IL1RAPL2: variants seen among roughly 807,000 people sequenced by gnomAD.
IL1RAPL2 encodes X-linked interleukin-1 receptor accessory protein-like 2.
A neutral mutation model predicts 44.1 loss-of-function variants in IL1RAPL2; 3 were observed. That is an observed-to-expected ratio of 0.07 (90% confidence interval 0.03 to 0.18). IL1RAPL2 has a LOEUF of 0.18. Among genes scored for constraint, IL1RAPL2 ranks in the 10% least tolerant of loss-of-function variants. IL1RAPL2 has a pLI of 1.00. For synonymous variants in IL1RAPL2, 181 were observed against 178.8 expected (o/e 1.01, Z -0.10); for missense variants, 391 against 496.4 (o/e 0.79, Z 2.02).
At chrX:105,473,607 T>C (rs2147771523) in intron 5 of IL1RAPL2, among the ~76,000 whole-genome samples, 1 of 112,296 alleles carries the variant, frequency 8.9e-6, no homozygotes, top group South Asian at 3.7e-4. Flanking sequence ...ACAACTGAAC[T>C]TAAGTGATAT....
At chrX:105,229,604 CT>C (rs1252073443) in intron 3 of IL1RAPL2, among the ~76,000 whole-genome samples, 1 of 111,750 alleles carries the variant, frequency 8.9e-6, no homozygotes, top group Non-Finnish European at 1.9e-5. Context: ...GGGTGGCTTC[CT>C]TGCCTTTAAC....
intron 6 of IL1RAPL2, among the ~76,000 whole-genome samples, chrX:105,610,476 C>A (rs987367166): frequency 1.8e-5 from 2 of 111,703 alleles, no homozygotes; most frequent in Non-Finnish European, 3.8e-5. Context: ...GCACCTCCCC[C>A]ATCCTTGCCC....
intron 2 of IL1RAPL2, among the ~76,000 whole-genome samples, chrX:104,915,930 C>G (rs1569341911): frequency 8.9e-6 from 1 of 111,826 alleles, no homozygotes. Context: ...TGATCTATAT[C>G]TCTGTTTTCT....
At chrX:105,474,354 A>C (rs1170347093) in intron 5 of IL1RAPL2, among the ~76,000 whole-genome samples, 1 of 111,805 alleles carries the variant, frequency 8.9e-6, no homozygotes, top group Non-Finnish European at 1.9e-5. Flanking sequence ...TGAGACCCAC[A>C]TTAGACTTCT....
intron 2 of IL1RAPL2, among the ~76,000 whole-genome samples, chrX:105,165,960 T>C (rs1602987366): frequency 8.9e-6 from 1 of 111,810 alleles, no homozygotes; most frequent in Non-Finnish European, 1.9e-5. Context: ...GTATGCTTAA[T>C]GGTTAAAAGC....
intron 2 of IL1RAPL2, among the ~76,000 whole-genome samples, chrX:104,964,670 C>T (rs1384379872): frequency 4.5e-5 from 5 of 110,848 alleles, no homozygotes; most frequent in East Asian, 5.6e-4. Context: ...TCTCTCTATC[C>T]GAATTAACAT....
At chrX:105,575,499 G>A (rs1323598104) in intron 6 of IL1RAPL2, among the ~76,000 whole-genome samples, 1 of 112,121 alleles carries the variant, frequency 8.9e-6, no homozygotes, top group African/African-American at 3.2e-5. Flanking sequence ...CAAAAGACAT[G>A]ATCTCATTCT....
At chrX:105,113,582 C>T (rs1039630575) in intron 2 of IL1RAPL2, among the ~76,000 whole-genome samples, 2 of 112,051 alleles carry the variant, frequency 1.8e-5, no homozygotes, top group African/African-American at 6.5e-5. Flanking sequence ...TGTCTCAGAG[C>T]AGGCCTTTTC....
At chrX:105,012,517 T>C (rs2031065546) in intron 2 of IL1RAPL2, among the ~76,000 whole-genome samples, 1 of 108,845 alleles carries the variant, frequency 9.2e-6, no homozygotes, top group Non-Finnish European at 1.9e-5. Flanking sequence ...TGCGGGCCTA[T>C]TATTAATGTG....
intron 6 of IL1RAPL2, among the ~76,000 whole-genome samples, chrX:105,505,141 T>G (rs773147537): frequency 9.0e-6 from 1 of 111,093 alleles, no homozygotes; most frequent in East Asian, 2.8e-4. Flanking sequence ...CCTTTACCAA[T>G]GTACACTAAT....
intron 1 of IL1RAPL2, among the ~76,000 whole-genome samples, chrX:104,654,440 G>T (rs1401790340): frequency 9.1e-6 from 1 of 110,166 alleles, no homozygotes; most frequent in African/African-American, 3.3e-5. Flanking sequence ...TGCAAACACC[G>T]TGGGGAAAAA....
intron 2 of IL1RAPL2, among the ~76,000 whole-genome samples, chrX:104,906,347 T>A (rs1321543589): frequency 9.1e-6 from 1 of 110,405 alleles, no homozygotes; most frequent in Non-Finnish European, 1.9e-5. Flanking sequence ...CTATGTTGAA[T>A]AGGAGTGGTG....
intron 2 of IL1RAPL2, among the ~76,000 whole-genome samples, chrX:104,757,203 G>A: frequency 8.9e-6 from 1 of 111,915 alleles, no homozygotes; most frequent in Non-Finnish European, 1.9e-5. Flanking sequence ...AATAATCAGA[G>A]TAGAGCTCTT....
At chrX:105,573,699 G>A (rs1347732296) in intron 6 of IL1RAPL2, among the ~76,000 whole-genome samples, 3 of 110,760 alleles carry the variant, frequency 2.7e-5, no homozygotes, top group Admixed American at 1.9e-4. Flanking sequence ...AAATTTTAGG[G>A]AAATAAGATT....
At chrX:105,367,758 G>C (rs2035306854) in intron 5 of IL1RAPL2, among the ~76,000 whole-genome samples, 1 of 111,345 alleles carries the variant, frequency 9.0e-6, no homozygotes, top group Non-Finnish European at 1.9e-5. Flanking sequence ...TTTCATAGTA[G>C]ATATAATTGA....
chrX:105,265,527 G>T (rs1359462530), intron 4 of IL1RAPL2, among the ~76,000 whole-genome samples: 1 of 111,216 alleles, frequency 9.0e-6, no homozygotes, highest in Non-Finnish European at 1.9e-5. Context: ...TTTCAGACAG[G>T]CCCTTAACTG....
At chrX:104,601,681 T>C (rs1390849492) in intron 1 of IL1RAPL2, among the ~76,000 whole-genome samples, 2 of 112,171 alleles carry the variant, frequency 1.8e-5, no homozygotes, top group Non-Finnish European at 3.8e-5. Flanking sequence ...CATCTGTTGT[T>C]TTTTGACTTT....
intron 2 of IL1RAPL2, among the ~76,000 whole-genome samples, chrX:104,817,091 A>G (rs1921156900): frequency 8.9e-6 from 1 of 112,937 alleles, no homozygotes; most frequent in African/African-American, 3.2e-5. Context: ...TGATTGGACA[A>G]AAAGTGTATG....
At chrX:105,318,544 G>A (rs1296870952) in intron 5 of IL1RAPL2, among the ~76,000 whole-genome samples, 1 of 111,429 alleles carries the variant, frequency 9.0e-6, no homozygotes, top group Non-Finnish European at 1.9e-5. Context: ...AGGAGCATGG[G>A]TTATTCCAAA....
Sources: allele counts gnomAD v4.1 joint callset (sites outside exome capture counted in the v4.1 genomes callset), GRCh38; gene constraint gnomAD v4.1.1; transcripts MANE v1.5; gene names NCBI Gene and HGNC (gene_info 2026-07-23, HGNC 2026-07-21).